Variants in HDGFL3 observed in about 807,000 individuals in gnomAD.
HDGFL3 encodes HDGF like 3.
In HDGFL3, 6 loss-of-function variants were observed where a neutral mutation model predicts 27.6. The observed-to-expected ratio is 0.22, with a 90% confidence interval of 0.12 to 0.43. The LOEUF is 0.43. HDGFL3 is among the 20% of genes least tolerant of loss of function. HDGFL3 has a pLI of 1.00. For missense variants in HDGFL3, 207 were observed against 250.1 expected, an observed-to-expected ratio of 0.83 and a Z score of 1.16; for synonymous variants, 88 against 88.9, an observed-to-expected ratio of 0.99 and a Z score of 0.05.
chr15:83,147,823 T>C (rs2036916992), intron 5 of HDGFL3, among the ~76,000 whole-genome samples: 1 of 152,134 alleles, frequency 6.6e-6, no homozygotes, highest in Non-Finnish European at 1.5e-5. Flanking sequence ...GCTAAAAATA[T>C]CAGAAAGAAA....
At position 83,136,482 on chromosome 15, in the gene HDGFL3, C is replaced by A. The variant is rs1306207689; in HGVS notation, c.*2788G>T. 1.9e-6 allele frequency: 3 copies of A among 1,574,262 alleles called. No individual in the cohort carries two copies. Among genetic ancestry groups the A allele is most frequent in the Non-Finnish European group, 2.6e-6 (3 of 1,167,250 alleles). On this transcript the variant is annotated 3_prime_UTR_variant, in exon 6 of 6. Transcript: ENST00000299633. ...ATTTTTTTTTTTTAAATGCAACAGG[C>A]TCAGTTTTCTCACATTGGTGCATCT...
At chr15:83,186,821 T>A (rs1032056492) in intron 1 of HDGFL3, among the ~76,000 whole-genome samples, 12 of 152,298 alleles carry the variant, frequency 7.9e-5, no homozygotes, top group African/African-American at 2.9e-4. Flanking sequence ...TCCCAGACTT[T>A]ACCGCAATAT....
chr15:83,117,642 G>A (rs373612645), intron 3 of HDGFL3, among the ~76,000 whole-genome samples: 12 of 152,198 alleles, frequency 7.9e-5, no homozygotes, highest in East Asian at 5.8e-4. Context: ...TGGGGCAGAC[G>A]GGGTATCAGA....
chr15:83,167,142 C>T (rs537397390), intron 1 of HDGFL3, among the ~76,000 whole-genome samples: 31 of 152,216 alleles, frequency 2.0e-4, no homozygotes, highest in African/African-American at 7.5e-4. Flanking sequence ...TTAGATGTAA[C>T]GACACCCATA....
At chr15:83,165,491 C>A (rs2037158492) in intron 1 of HDGFL3, among the ~76,000 whole-genome samples, 1 of 152,162 alleles carries the variant, frequency 6.6e-6, no homozygotes, top group Admixed American at 6.5e-5. Flanking sequence ...GAGCAGCTCT[C>A]CCCATGTGGC....
exon 4 of HDGFL3, chr15:83,113,202 T>C (rs2034354353): frequency 2.3e-6 from 1 of 441,862 alleles, no homozygotes; most frequent in Non-Finnish European, 4.2e-6. Context: ...GCTAGCTCCT[T>C]CCTGGGCTTC....
intron 3 of HDGFL3, chr15:83,121,932 G>C: frequency 6.2e-7 from 1 of 1,606,332 alleles, no homozygotes; most frequent in Non-Finnish European, 8.5e-7. Flanking sequence ...GAAACTTATA[G>C]AACCATTGGC....
intron 1 of HDGFL3, among the ~76,000 whole-genome samples, chr15:83,188,534 T>A (rs573526598): frequency 1.6e-4 from 25 of 152,302 alleles, no homozygotes; most frequent in Admixed American, 7.2e-4. Context: ...CAGTATTTTT[T>A]AAAAACAACT....
chr15:83,141,763 C>T (rs574277452), intron 5 of HDGFL3, among the ~76,000 whole-genome samples: 2 of 152,248 alleles, frequency 1.3e-5, no homozygotes, highest in Non-Finnish European at 2.9e-5. Flanking sequence ...TACTTAAAGA[C>T]TTTTCTGATG....
chr15:83,196,017 A>G (rs2037566807), intron 1 of HDGFL3, among the ~76,000 whole-genome samples: 1 of 152,000 alleles, frequency 6.6e-6, no homozygotes, highest in African/African-American at 2.4e-5. Context: ...AGTTATACAC[A>G]TTTATGTGCC....
Position 83,137,022 on chromosome 15 carries a change from C to T in HDGFL3, c.*2248G>A, listed in dbSNP as rs1173073180. ...TGAAACTATTCAAAAGAGAATATGG[C>T]CTGTGCATATTAAAAAATTCAAAAC... On this transcript the variant is annotated 3_prime_UTR_variant, in exon 6 of 6. Coordinates refer to ENST00000299633, the MANE Select transcript of HDGFL3 (RefSeq NM_016073.4). 6.2e-6 allele frequency: 1 copy of T among 160,872 alleles called. No homozygotes were observed. Among genetic ancestry groups the T allele is most frequent in the African/African-American group, 2.4e-5 (1 of 41,708 alleles). 10.0% of individuals were successfully genotyped at this position (160,872 alleles called of 1,614,324 possible). A position where few individuals can be genotyped will look rare whatever the true frequency, so the allele number is the denominator to read the frequency against.
In HDGFL3 at chr15:83,138,044, C is replaced by A. The variant is rs2036688691; in HGVS notation, c.*1226G>T. ...AGAAAAAGAAAAACCCTCACCTGCACTTGATTCTATTGTCAGCTTGCTGTG... is the reference window on the plus strand; with the variant it reads ...AGAAAAAGAAAAACCCTCACCTGCAATTGATTCTATTGTCAGCTTGCTGTG... On this transcript the variant is annotated 3_prime_UTR_variant, in exon 6 of 6. Coordinates refer to ENST00000299633, the MANE Select transcript of HDGFL3 (RefSeq NM_016073.4). The A allele has an allele frequency of 6.6e-6, 1 of 152,046 alleles. No individual in the cohort carries two copies. Among genetic ancestry groups the A allele is most frequent in the South Asian group, 2.1e-4 (1 of 4,812 alleles). 9.4% of individuals were successfully genotyped at this position (152,046 alleles called of 1,614,324 possible).
At chr15:83,166,219 T>C (rs887051286) in intron 1 of HDGFL3, among the ~76,000 whole-genome samples, 5 of 152,130 alleles carry the variant, frequency 3.3e-5, no homozygotes, top group African/African-American at 1.2e-4. Context: ...GGGCAGATTA[T>C]GTAAAAAGGG....
In HDGFL3 at chr15:83,134,596, A is replaced by G. The variant is rs2036489426; in HGVS notation, c.*4674T>C. On this transcript the variant is annotated 3_prime_UTR_variant, in exon 6 of 6. Coordinates refer to ENST00000299633, the MANE Select transcript of HDGFL3 (RefSeq NM_016073.4). Reference sequence around the variant, plus strand: ...ATTAACTGCACTGGTTAGTGCAGGAAAAGAGCCTACGGAATCACTGACTTT... The same window carrying G: ...ATTAACTGCACTGGTTAGTGCAGGAGAAGAGCCTACGGAATCACTGACTTT... 6.6e-6 allele frequency: 1 copy of G among 152,224 alleles called. No homozygotes were observed. The highest frequency in any genetic ancestry group is 2.4e-5 in the African/African-American group (1 of 41,460). The allele number at this position is 152,224 out of a possible 1,614,324, so 9.4% of individuals were successfully genotyped here. A position where few individuals can be genotyped will look rare whatever the true frequency, so the allele number is the denominator to read the frequency against.
At chr15:83,145,075 C>G (rs978848886) in intron 5 of HDGFL3, among the ~76,000 whole-genome samples, 2 of 151,848 alleles carry the variant, frequency 1.3e-5, no homozygotes, top group Non-Finnish European at 2.9e-5. Context: ...CAAAAAGGGA[C>G]CCTCGTAAAA....
intron 1 of HDGFL3, among the ~76,000 whole-genome samples, chr15:83,188,145 C>T (rs1220756208): frequency 6.6e-6 from 1 of 152,212 alleles, no homozygotes; most frequent in Non-Finnish European, 1.5e-5. Context: ...GTATTTCCCT[C>T]ATTAATGGTG....
chr15:83,127,333 G>A, downstream of HDGFL3: 1 of 1,549,516 alleles, frequency 6.5e-7, no homozygotes, highest in Non-Finnish European at 8.7e-7. Context: ...ATTTGCTGAT[G>A]ATGTTATTTC....
chr15:83,199,301 T>G (rs2037608829), intron 1 of HDGFL3, among the ~76,000 whole-genome samples: 1 of 152,178 alleles, frequency 6.6e-6, no homozygotes, highest in Admixed American at 6.5e-5. Context: ...TCAAACATGT[T>G]ATTAATAATA....
exon 4 of HDGFL3, chr15:83,115,536 G>A: frequency 2.1e-6 from 1 of 487,514 alleles, no homozygotes; most frequent in Non-Finnish European, 3.9e-6. Flanking sequence ...ACTTGTAGGG[G>A]AGTGGAGGAT....
Sources: gnomAD v4.1 joint callset for allele counts (sites outside exome capture counted in the v4.1 genomes callset) on GRCh38, gnomAD v4.1.1 for gene constraint, MANE v1.5 for transcripts, NCBI Gene and HGNC (gene_info 2026-07-23, HGNC 2026-07-21) for gene names.